NOL4: variants seen among roughly 807,000 people sequenced by gnomAD.
NOL4 encodes the protein nucleolar protein 4.
NOL4 carries 17 observed loss-of-function variants against 75.9 expected under a neutral mutation model. The observed-to-expected ratio is 0.22, with a 90% CI of 0.15 to 0.34. The LOEUF is 0.34. Among genes scored for constraint, NOL4 ranks in the 10% least tolerant of loss-of-function variants. NOL4 has a pLI of 1.00. For synonymous variants in NOL4, 292 were observed against 289.9 expected, an observed-to-expected ratio of 1.01 and a Z score of -0.07; for missense variants, 614 against 793.5, an observed-to-expected ratio of 0.77 and a Z score of 2.72.
intron 1 of NOL4, among the ~76,000 whole-genome samples, chr18:34,209,307 T>C (rs1249890450): frequency 3.9e-5 from 6 of 151,902 alleles, no homozygotes; most frequent in East Asian, 1.9e-4. Flanking sequence ...TGTAGCAACA[T>C]TGAGAAATGT....
At chr18:33,976,065 C>T (rs1282659702) in intron 6 of NOL4, among the ~76,000 whole-genome samples, 1 of 152,128 alleles carries the variant, frequency 6.6e-6, no homozygotes, top group Admixed American at 6.5e-5. Flanking sequence ...AGTACAATCA[C>T]ACAGAGAAAT....
chr18:33,933,769 TAA>T (rs1378400151), intron 9 of NOL4, among the ~76,000 whole-genome samples: 1 of 152,154 alleles, frequency 6.6e-6, no homozygotes, highest in Non-Finnish European at 1.5e-5. Flanking sequence ...CCTCCACTAG[TAA>T]AGTCTTGAAC....
intron 2 of NOL4, among the ~76,000 whole-genome samples, chr18:34,113,475 A>G (rs568822288): frequency 6.0e-4 from 91 of 152,162 alleles, no homozygotes; most frequent in Middle Eastern, 3.4e-3. Context: ...TCTCTATATA[A>G]AATTTTAAAA....
chr18:33,877,325 TA>T (rs1011799013), intron 10 of NOL4, among the ~76,000 whole-genome samples: 3 of 149,870 alleles, frequency 2.0e-5, no homozygotes, highest in African/African-American at 7.4e-5. Context: ...AAAATCAAAT[TA>T]AAAATTAGCC....
chr18:34,015,959 T>A (rs1215822873), intron 6 of NOL4, among the ~76,000 whole-genome samples: 1 of 152,090 alleles, frequency 6.6e-6, no homozygotes, highest in East Asian at 1.9e-4. Flanking sequence ...GAAACATCTA[T>A]GGACGAGATA....
intron 9 of NOL4, among the ~76,000 whole-genome samples, chr18:33,937,628 C>T (rs1232956151): frequency 6.6e-6 from 1 of 152,082 alleles, no homozygotes; most frequent in Non-Finnish European, 1.5e-5. Flanking sequence ...AGAACTCTGG[C>T]TCTCTCTAGT....
At chr18:33,872,117 C>A (rs1232264952) in intron 10 of NOL4, among the ~76,000 whole-genome samples, 9 of 151,914 alleles carry the variant, frequency 5.9e-5, no homozygotes, top group African/African-American at 2.2e-4. Context: ...AGGTCATTAT[C>A]ATACTATTTG....
At chr18:33,967,143 A>C (rs1221827241) in intron 6 of NOL4, among the ~76,000 whole-genome samples, 1 of 152,166 alleles carries the variant, frequency 6.6e-6, no homozygotes, top group African/African-American at 2.4e-5. Context: ...GGACCAATGG[A>C]ACAGAATAGA....
chr18:33,893,297 T>C (rs1568021709), intron 9 of NOL4, among the ~76,000 whole-genome samples: 1 of 152,166 alleles, frequency 6.6e-6, no homozygotes, highest in Non-Finnish European at 1.5e-5. Flanking sequence ...ACAGATGGCC[T>C]GCCATTGGCA....
At chr18:34,119,848 T>A (rs1259308120) in intron 2 of NOL4, among the ~76,000 whole-genome samples, 1 of 152,030 alleles carries the variant, frequency 6.6e-6, no homozygotes, top group Non-Finnish European at 1.5e-5. Context: ...GGTCTGGATC[T>A]CCTGACCTCG....
chr18:34,038,253 G>C (rs545877851), intron 5 of NOL4, among the ~76,000 whole-genome samples: 26 of 152,158 alleles, frequency 1.7e-4, no homozygotes, highest in Middle Eastern at 3.4e-3. Context: ...ATGTTGGCAA[G>C]GATGTGGAGA....
chr18:34,165,100 G>GC (rs1377933041), intron 1 of NOL4, among the ~76,000 whole-genome samples: 2 of 131,590 alleles, frequency 1.5e-5, no homozygotes, highest in East Asian at 4.8e-4. Context: ...GTGGGGTGGG[G>GC]GAAGGGGGGA....
intron 10 of NOL4, among the ~76,000 whole-genome samples, chr18:33,871,001 G>T (rs907419977): frequency 2.0e-5 from 3 of 152,146 alleles, no homozygotes; most frequent in East Asian, 3.9e-4. Flanking sequence ...CAACTCAGGA[G>T]GCAAAACTTG....
At chr18:34,018,133 T>C (rs141299647) in intron 6 of NOL4, among the ~76,000 whole-genome samples, 112 of 152,304 alleles carry the variant, frequency 7.4e-4, no homozygotes, top group African/African-American at 2.3e-3. Flanking sequence ...TATTTAAACT[T>C]CATAAAGACA....
chr18:33,869,114 C>T (rs1180159119), intron 10 of NOL4, among the ~76,000 whole-genome samples: 1 of 151,296 alleles, frequency 6.6e-6, no homozygotes, highest in African/African-American at 2.4e-5. Context: ...ATTTTAAGTC[C>T]CTCAAATTTT....
chr18:34,112,617 G>A (rs1195040585), intron 2 of NOL4, among the ~76,000 whole-genome samples: 1 of 152,024 alleles, frequency 6.6e-6, no homozygotes, highest in East Asian at 1.9e-4. Flanking sequence ...AGAAAGACAA[G>A]CATAATCTCA....
intron 1 of NOL4, among the ~76,000 whole-genome samples, chr18:34,222,778 C>G (rs1417704907): frequency 1.3e-5 from 2 of 152,050 alleles, no homozygotes; most frequent in Non-Finnish European, 2.9e-5. Flanking sequence ...GGTGCGCTGC[C>G]GCTTTAAAAT....
intron 9 of NOL4, among the ~76,000 whole-genome samples, chr18:33,939,727 T>A (rs535096511): frequency 6.6e-6 from 1 of 152,198 alleles, no homozygotes. Flanking sequence ...AAAGAGACAA[T>A]TTGACTTCCT....
At chr18:34,123,613 CTATATT>C (rs775237085) in intron 2 of NOL4, among the ~76,000 whole-genome samples, 254 of 142,832 alleles carry the variant, frequency 1.8e-3, no homozygotes, top group Non-Finnish European at 3.0e-3. Flanking sequence ...CTACATCTTT[CTATATT>C]TATATCTATA....
Sources: gnomAD v4.1 joint callset for allele counts (sites outside exome capture counted in the v4.1 genomes callset) on GRCh38, gnomAD v4.1.1 for gene constraint, MANE v1.5 for transcripts, NCBI Gene and HGNC (gene_info 2026-07-23, HGNC 2026-07-21) for gene names.